The following BRMS1L variants were observed in gnomAD, a reference collection of about 807,000 sequenced individuals.
BRMS1L encodes breast cancer metastasis-suppressor 1-like protein.
A neutral mutation model predicts 50.3 loss-of-function variants in BRMS1L; 23 were observed. The observed-to-expected ratio is 0.46, with a 90% CI of 0.33 to 0.65. The LOEUF is 0.65. BRMS1L is among the 30% of genes least tolerant of loss of function. The probability of loss-of-function intolerance (pLI) is 0.02; values close to 1 mark genes in which losing one functional copy is unlikely to be tolerated. For synonymous variants in BRMS1L, 114 were observed against 126.9 expected (o/e 0.90, Z 0.69); for missense variants, 286 against 386.1 (o/e 0.74, Z 2.17).
chr14:35,854,978 C>A (rs552894982), intron 4 of BRMS1L, among the ~76,000 whole-genome samples: 1 of 152,224 alleles, frequency 6.6e-6, no homozygotes, highest in Admixed American at 6.5e-5. Flanking sequence ...CTTTTCCCCC[C>A]CTCTTACTGC....
chr14:35,859,798 C>A (rs192413999), intron 4 of BRMS1L, among the ~76,000 whole-genome samples: 2 of 151,846 alleles, frequency 1.3e-5, no homozygotes, highest in South Asian at 2.1e-4. Context: ...TACAGGCCCA[C>A]GCTGCCATGC....
chr14:35,832,777 TGATA>T (rs962216003), intron 2 of BRMS1L, among the ~76,000 whole-genome samples, 197 bp from the exon 3 acceptor site: 3 of 151,954 alleles, frequency 2.0e-5, no homozygotes, highest in South Asian at 2.1e-4. Context: ...CATTAAAGAG[TGATA>T]GATAGATACC....
chr14:35,848,975 T>C (rs1304269761), intron 4 of BRMS1L, among the ~76,000 whole-genome samples: 1 of 152,200 alleles, frequency 6.6e-6, no homozygotes, highest in Non-Finnish European at 1.5e-5. Flanking sequence ...CCTTTGGATA[T>C]ATACCTAGAA....
At chr14:35,850,488 G>T (rs1221297306) in intron 4 of BRMS1L, among the ~76,000 whole-genome samples, 1 of 152,108 alleles carries the variant, frequency 6.6e-6, no homozygotes, top group Non-Finnish European at 1.5e-5. Context: ...GAGCCACTGT[G>T]CCCGGCCTTC....
rs45593936 is a variant in BRMS1L, at chr14:35,871,574, A to G, written c.*1097A>G. 826 of 152,756 alleles carry G rather than the reference A, an allele frequency of 5.4e-3. 3 individuals are homozygous for G. Among genetic ancestry groups the G allele is most frequent in the Non-Finnish European group, 8.7e-3 (594 of 68,010 alleles). 9.5% of individuals were successfully genotyped at this position (152,756 alleles called of 1,614,324 possible). A position where few individuals can be genotyped will look rare whatever the true frequency, so the allele number is the denominator to read the frequency against. Reference sequence around the variant, plus strand: ...GCCGGCTGTAGTGTATATTTAGGGTACACCAAATCAGGTATTCCTGGTGGT... The same window carrying G: ...GCCGGCTGTAGTGTATATTTAGGGTGCACCAAATCAGGTATTCCTGGTGGT... On this transcript the variant is annotated 3_prime_UTR_variant, in exon 10 of 10. Coordinates refer to ENST00000216807, the MANE Select transcript of BRMS1L (RefSeq NM_032352.4).
At chr14:35,843,244 G>T (rs2078089641) in intron 4 of BRMS1L, among the ~76,000 whole-genome samples, 1 of 152,124 alleles carries the variant, frequency 6.6e-6, no homozygotes, top group African/African-American at 2.4e-5. Context: ...GTGATCCTTT[G>T]GAGGAGAAGA....
chr14:35,851,739 A>G (rs1308546917), intron 4 of BRMS1L, among the ~76,000 whole-genome samples: 1 of 152,226 alleles, frequency 6.6e-6, no homozygotes, highest in East Asian at 1.9e-4. Context: ...GGAAAACAGT[A>G]TGGAGGTGCC....
chr14:35,869,910 G>A (rs1277884825), intron 9 of BRMS1L, among the ~76,000 whole-genome samples: 2 of 151,938 alleles, frequency 1.3e-5, no homozygotes, highest in African/African-American at 4.8e-5. Context: ...TTAAAGAATA[G>A]ATCTTTTTAT....
chr14:35,837,858 T>C (rs1355479925), intron 4 of BRMS1L, among the ~76,000 whole-genome samples: 2 of 152,136 alleles, frequency 1.3e-5, no homozygotes, highest in African/African-American at 4.8e-5. Context: ...GGCCCCAATT[T>C]TAATTTAAAA....
At chr14:35,864,193 GT>G (rs1359453692) in intron 6 of BRMS1L, among the ~76,000 whole-genome samples, 1 of 152,164 alleles carries the variant, frequency 6.6e-6, no homozygotes, top group East Asian at 1.9e-4. Context: ...AATGTGACTT[GT>G]CGTTCACCAA....
chr14:35,830,824 T>C (rs142304756), intron 1 of BRMS1L, among the ~76,000 whole-genome samples: 6 of 152,300 alleles, frequency 3.9e-5, no homozygotes, highest in African/African-American at 1.4e-4. Context: ...AATTACTTTA[T>C]AGTTATAGCT....
intron 4 of BRMS1L, among the ~76,000 whole-genome samples, chr14:35,839,803 C>T (rs941153929): frequency 8.5e-5 from 13 of 152,176 alleles, no homozygotes; most frequent in Non-Finnish European, 1.6e-4. Context: ...AATATACAAT[C>T]GTGTCATCTG....
chr14:35,853,767 A>G (rs914136247), intron 4 of BRMS1L, among the ~76,000 whole-genome samples: 9 of 152,014 alleles, frequency 5.9e-5, no homozygotes, highest in Admixed American at 5.2e-4. Context: ...TGAGTTTTCC[A>G]TTTGTTCTGA....
intron 4 of BRMS1L, chr14:35,858,768 G>C (rs1408551433): frequency 1.3e-5 from 2 of 152,044 alleles, no homozygotes; most frequent in Non-Finnish European, 2.9e-5. Context: ...AGAAGCCTTA[G>C]AGAACCCATG....
In BRMS1L at chr14:35,871,082, T is replaced by C. The variant is rs1222271851; in HGVS notation, c.*605T>C. ...TTTTGTAGAATAGCAACTTTTCTTT[T>C]CCTCTTTCTTGATTGTATGGTGGGG... On this transcript the variant is annotated 3_prime_UTR_variant, in exon 10 of 10. Transcript: ENST00000216807. 6.6e-6 allele frequency: 1 copy of C among 152,646 alleles called. No individual in the cohort carries two copies. Among genetic ancestry groups the C allele is most frequent in the Non-Finnish European group, 1.5e-5 (1 of 68,032 alleles). The allele number at this position is 152,646 out of a possible 1,614,324, so 9.5% of individuals were successfully genotyped here.
intron 5 of BRMS1L, among the ~76,000 whole-genome samples, chr14:35,862,976 A>C (rs568839591): frequency 1.3e-5 from 2 of 152,244 alleles, no homozygotes; most frequent in African/African-American, 4.8e-5. Context: ...CTGCACATCT[A>C]TATCTACAGT....
chr14:35,859,799 G>A lies in BRMS1L; in HGVS notation c.442-2791G>A, dbSNP rs111291509. Among the ~76,000 whole-genome samples the A allele has an allele frequency of 7.2e-4, 109 of 151,690 alleles. 2 individuals are homozygous for A. Among genetic ancestry groups the A allele is most frequent in the African/African-American group, 2.3e-3 (97 of 41,356 alleles). On this transcript the variant is annotated intron_variant, in intron 4 of 9. Transcript: ENST00000216807. ...TGAGTAGCTGGGACTACAGGCCCAC[G>A]CTGCCATGCTTAGCTAATTTTAAAA...
chr14:35,854,970 T>G (rs551434383), intron 4 of BRMS1L, among the ~76,000 whole-genome samples: 1 of 152,366 alleles, frequency 6.6e-6, no homozygotes, highest in South Asian at 2.1e-4. Flanking sequence ...AGGAAAAACT[T>G]TTCCCCCCCT....
chr14:35,846,834 A>C (rs976632748), intron 4 of BRMS1L, among the ~76,000 whole-genome samples: 2 of 152,200 alleles, frequency 1.3e-5, no homozygotes, highest in African/African-American at 4.8e-5. Flanking sequence ...GTTGTTCCTC[A>C]TAACACATTC....
Sources: allele counts gnomAD v4.1 joint callset (sites outside exome capture counted in the v4.1 genomes callset), GRCh38; gene constraint gnomAD v4.1.1; transcripts MANE v1.5; gene names NCBI Gene and HGNC (gene_info 2026-07-23, HGNC 2026-07-21).